Variants in HOATZ observed in about 807,000 individuals in gnomAD.
HOATZ encodes the protein cilia- and flagella-associated protein HOATZ.
Under a neutral mutation model 24.9 loss-of-function variants are expected in HOATZ, and 26 were observed. That is an observed-to-expected ratio of 1.04 (90% CI 0.76 to 1.45). The LOEUF (loss-of-function observed/expected upper bound fraction) is 1.45, where lower values mean the gene tolerates loss of function less well. Ranked by LOEUF, HOATZ falls within the 40% of genes most tolerant of loss-of-function variation. HOATZ has a pLI of 0.00. For missense variants in HOATZ, 226 were observed against 201.5 expected (o/e 1.12, Z -0.74); for synonymous variants, 83 against 76.6 (o/e 1.08, Z -0.43).
rs532854374 is a variant in HOATZ at position 111,530,900 on chromosome 11, C to T, written c.340-2846C>T. Among the ~76,000 whole-genome samples, 32 of 152,104 alleles carry T rather than the reference C, an allele frequency of 2.1e-4. No homozygotes were observed. In the East Asian group the frequency reaches 5.0e-3, roughly 24 times the overall value. On this transcript the variant is annotated intron_variant, in intron 3 of 5. Coordinates refer to ENST00000375618, the MANE Select transcript of HOATZ (RefSeq NM_001100388.2). The stretch of plus-strand genomic sequence containing the variant: ...TTTACACTAGTTTTGTTATTTATTT[C>T]CAGGAAACATGTCCAGGAGGCAGAA...
At chr11:111,531,072 T>A (rs1042096660) in intron 3 of HOATZ, among the ~76,000 whole-genome samples, 2 of 152,242 alleles carry the variant, frequency 1.3e-5, no homozygotes, top group African/African-American at 4.8e-5. Context: ...TATTTTTGAA[T>A]CTTGTAACTA....
rs1247435625 is a variant in HOATZ at position 111,536,763 on chromosome 11, C to T, written c.453-7C>T. ...GTATTGGAACTGACTGATATTACTA[C>T]CAACAGGAAAGTGGTATCAGAGTCA... On this transcript the variant is annotated splice_region_variant and splice_polypyrimidine_tract_variant and intron_variant, in intron 5 of 5. Transcript: ENST00000375618. 6.2e-7 allele frequency: 1 copy of T among 1,610,776 alleles called. No homozygotes were observed. Among genetic ancestry groups the T allele is most frequent in the East Asian group, 2.2e-5 (1 of 44,812 alleles).
At chr11:111,530,097 A>T (rs992482046) in intron 3 of HOATZ, among the ~76,000 whole-genome samples, 1 of 152,242 alleles carries the variant, frequency 6.6e-6, no homozygotes, top group Non-Finnish European at 1.5e-5. Context: ...TATAATAACT[A>T]CCATTTATTA....
chr11:111,531,363 T>C (rs963717965), intron 3 of HOATZ, among the ~76,000 whole-genome samples: 1 of 152,132 alleles, frequency 6.6e-6, no homozygotes, highest in African/African-American at 2.4e-5. Flanking sequence ...TGCTAAGCTC[T>C]AAGGAAGGAT....
chr11:111,536,660 A>T lies in HOATZ; in HGVS notation c.453-110A>T, dbSNP rs962208749. The T allele has an allele frequency of 1.5e-5, 13 of 847,580 alleles. No homozygotes were observed. The African/African-American group carries it at 2.0e-4, about 13-fold the overall frequency. 52.5% of individuals were successfully genotyped at this position (847,580 alleles called of 1,614,324 possible). ...TTGCAAAACCCAACACATAGAATCT[A>T]CAACAGTGAATTTTTATTGGGAGAA... On this transcript the variant is annotated intron_variant, in intron 5 of 5. Transcript: ENST00000375618.
intron 3 of HOATZ, among the ~76,000 whole-genome samples, chr11:111,533,335 A>G (rs939735060): frequency 1.3e-5 from 2 of 152,224 alleles, no homozygotes; most frequent in African/African-American, 4.8e-5. Context: ...GTGGAGTAAT[A>G]GTAGTGTCAA....
intron 3 of HOATZ, 133 bp from the exon 4 acceptor site, chr11:111,533,613 G>A: frequency 1.7e-6 from 1 of 577,824 alleles, no homozygotes; most frequent in Non-Finnish European, 2.9e-6. Flanking sequence ...AAACAAAAAT[G>A]TATAAATATA....
chr11:111,532,145 G>A (rs551533456), intron 3 of HOATZ, among the ~76,000 whole-genome samples: 1 of 151,986 alleles, frequency 6.6e-6, no homozygotes, highest in African/African-American at 2.4e-5. Context: ...TCTTCAGTTC[G>A]TTCATCGTAC....
At chr11:111,516,494 A>T (rs988133736) in intron 3 of HOATZ, among the ~76,000 whole-genome samples, 1 of 151,934 alleles carries the variant, frequency 6.6e-6, no homozygotes, top group African/African-American at 2.4e-5. Context: ...GGATCCCTTG[A>T]GGCCAGGAAT....
intron 3 of HOATZ, among the ~76,000 whole-genome samples, chr11:111,520,738 TGA>T (rs749702527): frequency 2.6e-5 from 4 of 152,222 alleles, no homozygotes; most frequent in Non-Finnish European, 5.9e-5. Flanking sequence ...TCCAAGAGTG[TGA>T]TGAAATCTTG....
chr11:111,529,657 G>T (rs545874325), intron 3 of HOATZ, among the ~76,000 whole-genome samples: 1 of 152,058 alleles, frequency 6.6e-6, no homozygotes, highest in Admixed American at 6.5e-5. Flanking sequence ...CACCGCACCC[G>T]GCCCCTCGTG....
In HOATZ at chr11:111,523,721, A is replaced by G. The variant is rs569559062; in HGVS notation, c.339+7611A>G. Among the ~76,000 whole-genome samples, 10 of 152,312 alleles carry G rather than the reference A, an allele frequency of 6.6e-5. No individual in the cohort carries two copies. The South Asian group carries it at 1.9e-3, about 28-fold the overall frequency. On this transcript the variant is annotated intron_variant, in intron 3 of 5. Coordinates refer to ENST00000375618, the MANE Select transcript of HOATZ (RefSeq NM_001100388.2). ...CCACTTGTAGTTCCAAGAACCCACC[A>G]AGGTGTTCTGTGACATTAAACCTAC...
chr11:111,526,411 G>A (rs1377740741), intron 3 of HOATZ, among the ~76,000 whole-genome samples: 1 of 152,310 alleles, frequency 6.6e-6, no homozygotes. Flanking sequence ...TTAGGATCAT[G>A]CAGGTAGATG....
In HOATZ at chr11:111,514,830, C is replaced by A. The variant is rs760592386; in HGVS notation, c.46C>A (p.Gln16Lys). 1.3e-5 allele frequency: 21 copies of A among 1,613,976 alleles called. No individual in the cohort carries two copies. Among genetic ancestry groups the A allele is most frequent in the Admixed American group, 1.7e-5 (1 of 60,002 alleles). ...AGAACCTAGCGGCCGAAAAGAGTCCCAGGAAATGTGCCCCCCGGGATTACT... is the reference window on the plus strand; with the variant it reads ...AGAACCTAGCGGCCGAAAAGAGTCCAAGGAAATGTGCCCCCCGGGATTACT... ...SEEPSGRKES[Q>K]EMCPPGLLVF... is the part of the protein sequence containing the mutation. Residue 16 changes from glutamine (Q) to lysine (K), a missense_variant, in exon 1 of 6, where the codon CAG (glutamine) becomes AAG (lysine). Gln to Lys is a moderately conservative substitution (Grantham distance 53). Transcript: ENST00000375618.
chr11:111,523,609 T>C (rs1183814206), intron 3 of HOATZ, among the ~76,000 whole-genome samples: 4 of 152,136 alleles, frequency 2.6e-5, no homozygotes, highest in Admixed American at 1.3e-4. Context: ...ATACCAAGAC[T>C]TTCACTATCT....
At chr11:111,520,387 A>G (rs1867255872) in intron 3 of HOATZ, among the ~76,000 whole-genome samples, 1 of 152,236 alleles carries the variant, frequency 6.6e-6, no homozygotes, top group Non-Finnish European at 1.5e-5. Context: ...TCAAAGTTTT[A>G]ACATGAATGA....
chr11:111,533,229 G>A (rs542696059), intron 3 of HOATZ, among the ~76,000 whole-genome samples: 10 of 152,310 alleles, frequency 6.6e-5, no homozygotes, highest in African/African-American at 2.4e-4. Context: ...CTTGAACTTT[G>A]TTGCTAAATG....
chr11:111,528,602 A>AT (rs1286489971), intron 3 of HOATZ, among the ~76,000 whole-genome samples: 2 of 152,230 alleles, frequency 1.3e-5, no homozygotes, highest in Non-Finnish European at 2.9e-5. Flanking sequence ...AAAGAGCCAC[A>AT]TGATACCTTC....
In HOATZ at chr11:111,514,800, A is replaced by T. The variant is rs372731695; in HGVS notation, c.16A>T (p.Ser6Cys). Residue 6 changes from serine (S) to cysteine (C), a missense_variant, in exon 1 of 6, where the codon AGC becomes TGC. Physicochemically the swap from Ser to Cys is moderately radical, Grantham distance 112. Coordinates refer to ENST00000375618, the MANE Select transcript of HOATZ (RefSeq NM_001100388.2). METGP[S>C]EEPSGRKESQ... Reference sequence around the variant, plus strand: ...CTCAGTTGCCATGGAAACGGGACCCAGCGAAGAACCTAGCGGCCGAAAAGA... The same window carrying T: ...CTCAGTTGCCATGGAAACGGGACCCTGCGAAGAACCTAGCGGCCGAAAAGA... The T allele has an allele frequency of 8.1e-6, 13 of 1,613,970 alleles. No individual in the cohort carries two copies. Among genetic ancestry groups the T allele is most frequent in the East Asian group, 2.2e-5 (1 of 44,864 alleles).
Sources: gnomAD v4.1 joint callset for allele counts (sites outside exome capture counted in the v4.1 genomes callset) on GRCh38, gnomAD v4.1.1 for gene constraint, MANE v1.5 for transcripts, NCBI Gene and HGNC (gene_info 2026-07-23, HGNC 2026-07-21) for gene names.